The following DOP1B variants were observed in gnomAD, a reference collection of about 807,000 sequenced individuals.
DOP1B encodes protein DOP1B.
In DOP1B, 174 loss-of-function variants were observed where a neutral mutation model predicts 233.5. The observed-to-expected ratio is 0.75, with a 90% CI of 0.66 to 0.85. DOP1B has a LOEUF of 0.85. DOP1B is among the 40% of genes least tolerant of loss of function. The probability of loss-of-function intolerance (pLI) is 0.00; values close to 1 mark genes in which losing one functional copy is unlikely to be tolerated. For missense variants in DOP1B, 2,652 were observed against 2,846.6 expected (o/e 0.93, Z 1.56); for synonymous variants, 1,190 against 1,185.6 (o/e 1.00, Z -0.08).
intron 4 of DOP1B, among the ~76,000 whole-genome samples, chr21:36,203,070 G>A (rs2066388111): frequency 6.6e-6 from 1 of 152,218 alleles, no homozygotes; most frequent in Non-Finnish European, 1.5e-5. Context: ...TAGTTGGAGT[G>A]TTTTTGTTTT....
At position 36,168,460 on chromosome 21, in the gene DOP1B, G is replaced by GCA. The variant is rs2065937204; in HGVS notation, c.138+3591_138+3592dup. ...CCACCAAATTGTTTTCCCAGCAGTT[G>GCA]CACCATTTTACATATCCACCAAAAG... On this transcript the variant is annotated intron_variant, in intron 2 of 36. Transcript: ENST00000691173. Among the ~76,000 whole-genome samples, 9 of 152,094 alleles carry GCA rather than the reference G, an allele frequency of 5.9e-5. No individual in the cohort carries two copies. In the South Asian group the frequency reaches 1.7e-3, roughly 28 times the overall value.
chr21:36,248,588 G>A lies in DOP1B; in HGVS notation c.4998+20G>A. On this transcript the variant is annotated intron_variant, in intron 21 of 36. Transcript: ENST00000691173. Reference sequence around the variant, plus strand: ...ACCAAAGTAAGAGGATGTCTCTGTAGTTCTGTCATTTACTTGGTCTTGTAT... The same window carrying A: ...ACCAAAGTAAGAGGATGTCTCTGTAATTCTGTCATTTACTTGGTCTTGTAT... 1 of 1,589,232 alleles carries A rather than the reference G, an allele frequency of 6.3e-7. No homozygotes were observed. Among genetic ancestry groups the A allele is most frequent in the Non-Finnish European group, 8.6e-7 (1 of 1,168,466 alleles).
At chr21:36,206,545 AT>A (rs1388982302) in intron 4 of DOP1B, among the ~76,000 whole-genome samples, 4 of 151,720 alleles carry the variant, frequency 2.6e-5, no homozygotes, top group Admixed American at 2.0e-4. Context: ...AAAAAAAAAA[AT>A]TATTTCTTTA....
chr21:36,275,065 G>A (rs9980167), intron 27 of DOP1B, among the ~76,000 whole-genome samples: 59,615 of 151,670 alleles, frequency 0.39, 11,743 homozygotes, highest in Middle Eastern at 0.51. Context: ...GGCTGGTCTC[G>A]AACTCCTGAC....
chr21:36,235,902 C>A (rs2123561875), intron 15 of DOP1B, among the ~76,000 whole-genome samples: 1 of 150,314 alleles, frequency 6.7e-6, no homozygotes, highest in Middle Eastern at 3.5e-3. Flanking sequence ...AGTTATATAT[C>A]AGAATTCAAT....
chr21:36,181,019 C>T (rs572046893), intron 2 of DOP1B, among the ~76,000 whole-genome samples: 1 of 152,162 alleles, frequency 6.6e-6, no homozygotes, highest in Non-Finnish European at 1.5e-5. Context: ...CTCAGGTAGA[C>T]AGGTATACCG....
chr21:36,247,668 G>A (rs1350823899), intron 20 of DOP1B, 40 bp downstream of exon 20: 1 of 1,424,206 alleles, frequency 7.0e-7, no homozygotes, highest in Non-Finnish European at 9.7e-7. Flanking sequence ...CAATTTTCAT[G>A]TATTGTTTTG....
rs1320035316 is a variant in DOP1B at position 36,230,771 on chromosome 21, A to G, written c.1987A>G (p.Arg663Gly). 6.2e-7 allele frequency: 1 copy of G among 1,614,088 alleles called. No homozygotes were observed. Among genetic ancestry groups the G allele is most frequent in the Non-Finnish European group, 8.5e-7 (1 of 1,180,050 alleles). ...ESKSEEPAGK[R>G]DRDGTQSLAA... is the part of the protein sequence containing the mutation. Reference sequence around the variant, plus strand: ...CAAGTCCGAGGAGCCTGCAGGGAAGAGGGACAGGGATGGGACGCAGAGCCT... The same window carrying G: ...CAAGTCCGAGGAGCCTGCAGGGAAGGGGGACAGGGATGGGACGCAGAGCCT... The change falls in exon 14 of 37, where the codon AGG (arginine) becomes GGG (glycine). Residue 663 changes from arginine to glycine, a missense_variant. Physicochemically the swap from Arg to Gly is moderately radical, Grantham distance 125 (BLOSUM62 -2). Around this residue, in one of 3 missense-constraint regions of DOP1B, gnomAD observed 2,617 missense variants for 2,794.3 expected, o/e 0.94. Coordinates refer to ENST00000691173, the MANE Select transcript of DOP1B (RefSeq NM_001320714.2).
rs374327504 is a variant in DOP1B at position 36,214,522 on chromosome 21, C to T, written c.1095C>T (p.Arg365=). ...ATCATGCATACCTGAAGCCTTTTCG[C>T]GTCCTCATCAGTCTGCTTGACAAGC... ...ERHHAYLKPF[R]VLISLLDKPE... The change falls in exon 9 of 37, where the codon CGC becomes CGT. Residue 365 remains arginine (R), a synonymous_variant. Coordinates refer to ENST00000691173, the MANE Select transcript of DOP1B (RefSeq NM_001320714.2). 73 of 1,613,968 alleles carry T rather than the reference C, an allele frequency of 4.5e-5. No individual in the cohort carries two copies. Among genetic ancestry groups the T allele is most frequent in the Admixed American group, 1.8e-4 (11 of 59,934 alleles).
chr21:36,179,423 T>A (rs945705324), intron 2 of DOP1B, among the ~76,000 whole-genome samples: 1 of 152,216 alleles, frequency 6.6e-6, no homozygotes, highest in Non-Finnish European at 1.5e-5. Flanking sequence ...TATTGTGGCT[T>A]TTGCATTTTG....
chr21:36,225,420 G>A (rs987590364), intron 11 of DOP1B, 145 bp from the exon 12 acceptor site: 57 of 814,290 alleles, frequency 7.0e-5, no homozygotes, highest in Middle Eastern at 2.6e-4. Context: ...TAGTAGAGAT[G>A]GGGTTTCACC....
At chr21:36,278,705 A>C (rs1601477364) in intron 30 of DOP1B, among the ~76,000 whole-genome samples, 1 of 151,982 alleles carries the variant, frequency 6.6e-6, no homozygotes, top group Non-Finnish European at 1.5e-5. Flanking sequence ...CCGTCTCTAC[A>C]AAAAAATTCA....
intron 32 of DOP1B, among the ~76,000 whole-genome samples, chr21:36,285,710 GC>G (rs1384080207): frequency 6.6e-6 from 1 of 151,934 alleles, no homozygotes; most frequent in East Asian, 1.9e-4. Flanking sequence ...AATAGTTTGG[GC>G]CCAATTAAAA....
intron 21 of DOP1B, among the ~76,000 whole-genome samples, 168 bp downstream of exon 21, chr21:36,248,736 T>C (rs562813462): frequency 6.6e-6 from 1 of 152,340 alleles, no homozygotes; most frequent in East Asian, 1.9e-4. Context: ...AAGTTTCCTA[T>C]ACCTGAAATG....
chr21:36,249,931 A>T lies in DOP1B; in HGVS notation c.4999-1231A>T, dbSNP rs2067013813. ...TAAGAACCTGCTCTTAAAAAGATTCAGAAAACCTTTTTTCTCACTCAGAAA... is the reference window on the plus strand; with the variant it reads ...TAAGAACCTGCTCTTAAAAAGATTCTGAAAACCTTTTTTCTCACTCAGAAA... On this transcript the variant is annotated intron_variant, in intron 21 of 36. Transcript: ENST00000691173. Among the ~76,000 whole-genome samples, 3 of 152,190 alleles carry T rather than the reference A, an allele frequency of 2.0e-5. No homozygotes were observed. In the South Asian group the frequency reaches 6.2e-4, roughly 32 times the overall value.
chr21:36,188,274 C>G (rs1366301993), intron 2 of DOP1B, among the ~76,000 whole-genome samples: 1 of 152,208 alleles, frequency 6.6e-6, no homozygotes, highest in Non-Finnish European at 1.5e-5. Context: ...CACTGCTCTC[C>G]CAGTTCAACA....
intron 13 of DOP1B, among the ~76,000 whole-genome samples, chr21:36,228,193 T>C (rs1272438113): frequency 6.6e-6 from 1 of 151,908 alleles, no homozygotes. Flanking sequence ...CCAAGTACAG[T>C]GGCCCACACC....
At chr21:36,274,256 C>T (rs569521862) in intron 27 of DOP1B, among the ~76,000 whole-genome samples, 7 of 152,174 alleles carry the variant, frequency 4.6e-5, no homozygotes, top group African/African-American at 9.6e-5. Context: ...AAGGATTTTG[C>T]GCTGGTTAAG....
In DOP1B at chr21:36,219,996, C is replaced by G. The variant is rs930659992; in HGVS notation, c.1250+504C>G. ...CCGGAGAGCACAGGCTCCATTCCCC[C>G]AGAGGCAGAGTGAGTGGTGTTTGGA... On this transcript the variant is annotated intron_variant, in intron 10 of 36. Coordinates refer to ENST00000691173, the MANE Select transcript of DOP1B (RefSeq NM_001320714.2). Among the ~76,000 whole-genome samples the G allele has an allele frequency of 6.6e-5, 10 of 151,972 alleles. No homozygotes were observed. In the South Asian group the frequency reaches 1.7e-3, roughly 25 times the overall value.
Sources: gnomAD v4.1 joint callset for allele counts (sites outside exome capture counted in the v4.1 genomes callset) on GRCh38, gnomAD v4.1.1 for gene constraint, gnomAD v4.1.1 regional missense constraint, MANE v1.5 for transcripts, NCBI Gene and HGNC (gene_info 2026-07-23, HGNC 2026-07-21) for gene names.